Variants in ZNF839 observed in about 807,000 individuals in gnomAD.
ZNF839 encodes the protein zinc finger protein 839.
A neutral mutation model predicts 56.4 loss-of-function variants in ZNF839; 38 were observed. The observed-to-expected ratio is 0.67, with a 90% CI of 0.52 to 0.88. The LOEUF is 0.88. Among genes scored for constraint, ZNF839 ranks in the 40% least tolerant of loss-of-function variants. The probability of loss-of-function intolerance (pLI) is 0.00; values close to 1 mark genes in which losing one functional copy is unlikely to be tolerated. For missense variants in ZNF839, 1,091 were observed against 1,177.6 expected (o/e 0.93, Z 1.08); for synonymous variants, 486 against 493.5 (o/e 0.98, Z 0.20).
intron 1 of ZNF839, among the ~76,000 whole-genome samples, chr14:102,320,901 G>T (rs1222152209): frequency 6.6e-6 from 1 of 152,194 alleles, no homozygotes; most frequent in Non-Finnish European, 1.5e-5. Flanking sequence ...CCATTTCAGC[G>T]CTGGGGTTGT....
Position 102,326,441 on chromosome 14 carries a change from C to A in ZNF839, c.745C>A (p.Arg249Ser). Residue 249 changes from arginine to serine, a missense_variant, in exon 2 of 8, where the codon CGT becomes AGT. This residue lies in a region of ZNF839 where 614 missense variants were observed against 629.2 expected (regional missense o/e 0.98). Transcript: ENST00000442396. This position sits in a 1 kb window ranked among gnomAD's most constrained non-coding sequence, Gnocchi z 4.3. ...AAAAAAATCGTTAAAAGTAAAGACA[C>A]GTTCTGGACGGGTATCTCGACCTCC... is the stretch of plus-strand genomic sequence containing the variant. ...KLKKSLKVKT[R>S]SGRVSRPPKY... 6.2e-7 allele frequency: 1 copy of A among 1,613,946 alleles called. No homozygotes were observed. The highest frequency in any genetic ancestry group is 8.5e-7 in the Non-Finnish European group (1 of 1,179,886).
chr14:102,338,189 G>T (rs1190004147), intron 5 of ZNF839, among the ~76,000 whole-genome samples: 1 of 152,220 alleles, frequency 6.6e-6, no homozygotes, highest in Non-Finnish European at 1.5e-5. Flanking sequence ...TATGGTATCA[G>T]CTAACATTAT....
intron 2 of ZNF839, among the ~76,000 whole-genome samples, chr14:102,328,712 C>T (rs1049011371): frequency 2.0e-5 from 3 of 151,998 alleles, no homozygotes; most frequent in African/African-American, 4.8e-5. Flanking sequence ...CTCTAATTTC[C>T]GTATAGAAGT....
chr14:102,338,969 G>A lies in ZNF839; in HGVS notation c.1797+16G>A, dbSNP rs756602420. The A allele has an allele frequency of 6.2e-7, 1 of 1,614,042 alleles. No individual in the cohort carries two copies. The highest frequency in any genetic ancestry group is 8.5e-7 in the Non-Finnish European group (1 of 1,179,882). ...GGAACGTGAGGTGGGCATGGCTGAAGTGGGTGCCAGGTGACTGTGCACGGT... is the reference window on the plus strand; with the variant it reads ...GGAACGTGAGGTGGGCATGGCTGAAATGGGTGCCAGGTGACTGTGCACGGT... On this transcript the variant is annotated intron_variant, in intron 6 of 7. Transcript: ENST00000442396.
In ZNF839 at chr14:102,341,555, G is replaced by T. The variant is rs373049928; in HGVS notation, c.2160G>T (p.Val720=). Residue 720 remains valine, a synonymous_variant, in exon 8 of 8, where the codon GTG becomes GTT. Coordinates refer to ENST00000442396, the MANE Select transcript of ZNF839 (RefSeq NM_018335.6). Reference sequence around the variant, plus strand: ...CTAGGAGGCTGACCCAGGCACAGGTGGCAGCGTTTCCTGGAGAGAATGCTT... The same window carrying T: ...CTAGGAGGCTGACCCAGGCACAGGTTGCAGCGTTTCCTGGAGAGAATGCTT... ...GEPRRLTQAQ[V]AAFPGENALE... 1.2e-6 allele frequency: 2 copies of T among 1,612,714 alleles called. No homozygotes were observed. Among genetic ancestry groups the T allele is most frequent in the Non-Finnish European group, 1.7e-6 (2 of 1,179,254 alleles).
At chr14:102,334,475 T>G in intron 3 of ZNF839, 79 bp from the exon 4 acceptor site, 3 of 980,714 alleles carry the variant, frequency 3.1e-6, no homozygotes, top group African/African-American at 3.2e-5. Flanking sequence ...GTTTTTTATG[T>G]TGTATATTGC....
At chr14:102,317,873 C>T (rs748376538), upstream of ZNF839, among the ~76,000 whole-genome samples, 52 of 152,326 alleles carry the variant, frequency 3.4e-4, no homozygotes, top group Non-Finnish European at 5.0e-4. Context: ...ATGAATTTCT[C>T]ACTCGGTTCG....
Position 102,331,807 on chromosome 14 carries a change from G to A in ZNF839, c.1377G>A (p.Gly459=). 1.9e-6 allele frequency: 3 copies of A among 1,588,900 alleles called. No individual in the cohort carries two copies. Among genetic ancestry groups the A allele is most frequent in the Non-Finnish European group, 1.7e-6 (2 of 1,169,138 alleles). ...TACCTGGTGGCCCTGCTGCGGCAGG[G>A]GAGCAGAGGGCGTCGCCAAGCAAAG... ...AQLPGGPAAA[G]EQRASPSKAR... The change falls in exon 3 of 8, where the codon GGG becomes GGA. Residue 459 remains glycine, a synonymous_variant. Transcript: ENST00000442396.
At chr14:102,321,272 AGT>A (rs1567281966) in intron 1 of ZNF839, among the ~76,000 whole-genome samples, 2 of 152,216 alleles carry the variant, frequency 1.3e-5, no homozygotes, top group Admixed American at 6.5e-5. Context: ...AGTTTTCAGC[AGT>A]GTTTTTGTAC....
At chr14:102,340,129 T>C (rs1197187984) in intron 7 of ZNF839, among the ~76,000 whole-genome samples, 3 of 144,302 alleles carry the variant, frequency 2.1e-5, no homozygotes, top group Non-Finnish European at 4.6e-5. Flanking sequence ...CCCGCCATCA[T>C]GCCCGGCTAA....
rs1369123255 is a variant in ZNF839, at chr14:102,328,371, AAAAAATATATATATATATATATAT to A, written c.1191+1486_1191+1509del. On this transcript the variant is annotated intron_variant, in intron 2 of 7. Transcript: ENST00000442396. ...CTCCATCTCAAAAAAAAAAAAAAAA[AAAAAATATATATATATATATATAT>A]ATATATATATATATATGTATACACA... 1.3e-4 allele frequency among the ~76,000 whole-genome samples: 4 copies of A among 30,692 alleles called. 1 individual carries two copies. Among genetic ancestry groups the A allele is most frequent in the African/African-American group, 5.0e-4 (4 of 7,980 alleles). The allele number at this position is 30,692 out of a possible 152,430, so 20.1% of individuals were successfully genotyped here.
At chr14:102,325,087 C>G (rs575017100) in intron 1 of ZNF839, among the ~76,000 whole-genome samples, 1 of 152,180 alleles carries the variant, frequency 6.6e-6, no homozygotes, top group South Asian at 2.1e-4. Flanking sequence ...CGTGGTGTCT[C>G]ACGCTGGAAA....
upstream of ZNF839, among the ~76,000 whole-genome samples, chr14:102,318,533 T>C (rs1414891620): frequency 1.3e-5 from 2 of 151,760 alleles, no homozygotes; most frequent in Non-Finnish European, 2.9e-5. Flanking sequence ...CTCAAGAGGC[T>C]GAGGCAGGAG....
chr14:102,342,045 C>G lies in ZNF839; in HGVS notation c.2650C>G (p.Gln884Glu). The G allele has an allele frequency of 6.2e-7, 1 of 1,614,026 alleles. No homozygotes were observed. The highest frequency in any genetic ancestry group is 8.5e-7 in the Non-Finnish European group (1 of 1,179,886). The change falls in exon 8 of 8, where the codon CAG (glutamine) becomes GAG (glutamate). Residue 884 changes from glutamine to glutamate, a missense_variant. Coordinates refer to ENST00000442396, the MANE Select transcript of ZNF839 (RefSeq NM_018335.6). ...ISNGSHELLS[Q>E]GQKQIFIQTS... Reference sequence around the variant, plus strand: ...CAATGGGAGCCATGAGTTACTGTCTCAGGGACAGAAGCAGATTTTTATTCA... The same window carrying G: ...CAATGGGAGCCATGAGTTACTGTCTGAGGGACAGAAGCAGATTTTTATTCA...
At chr14:102,331,148 C>G (rs1597722822) in intron 2 of ZNF839, among the ~76,000 whole-genome samples, 1 of 152,090 alleles carries the variant, frequency 6.6e-6, no homozygotes, top group East Asian at 1.9e-4. Context: ...TTAAATCTAT[C>G]CAGTAAAATA....
chr14:102,318,881 G>A (rs540490451), upstream of ZNF839, among the ~76,000 whole-genome samples: 5 of 152,146 alleles, frequency 3.3e-5, no homozygotes, highest in Non-Finnish European at 7.4e-5. Flanking sequence ...TCGGCACCTA[G>A]ACTGTATACC....
chr14:102,329,789 CTT>C (rs35781672), intron 2 of ZNF839, among the ~76,000 whole-genome samples: 4,973 of 101,876 alleles, frequency 0.049, 102 homozygotes, highest in African/African-American at 0.14. Context: ...TAGAGATAAC[CTT>C]TTTTTTTTTT....
At chr14:102,320,249 C>G (rs1185768897) in intron 1 of ZNF839, among the ~76,000 whole-genome samples, 196 bp downstream of exon 1, 1 of 152,208 alleles carries the variant, frequency 6.6e-6, no homozygotes, top group African/African-American at 2.4e-5. Flanking sequence ...GAGCCTCACT[C>G]TAGGAGCGGT....
intron 3 of ZNF839, among the ~76,000 whole-genome samples, chr14:102,334,169 TG>T (rs2073914733): frequency 6.6e-6 from 1 of 152,248 alleles, no homozygotes; most frequent in South Asian, 2.1e-4. Context: ...CCTCTCAGCC[TG>T]GGCCTGGGTT....
Sources: allele counts gnomAD v4.1 joint callset (sites outside exome capture counted in the v4.1 genomes callset), GRCh38; gene constraint gnomAD v4.1.1; regional missense constraint gnomAD v4.1.1; non-coding constraint Gnocchi (gnomAD v3.1); transcripts MANE v1.5; gene names NCBI Gene and HGNC (gene_info 2026-07-23, HGNC 2026-07-21).